Variants in VPS8 observed in about 807,000 individuals in gnomAD.
VPS8 encodes vacuolar protein sorting-associated protein 8 homolog.
In VPS8, 129 loss-of-function variants were observed where a neutral mutation model predicts 216.4. That is an observed-to-expected ratio of 0.60 (90% confidence interval 0.52 to 0.69). VPS8 has a LOEUF of 0.69. Ranked by LOEUF, VPS8 falls within the 30% of genes least tolerant of loss-of-function variation. VPS8 has a pLI of 0.00. For synonymous variants in VPS8, 571 were observed against 565.4 expected, an observed-to-expected ratio of 1.01 and a Z score of -0.14; for missense variants, 1,531 against 1,683.5, an observed-to-expected ratio of 0.91 and a Z score of 1.59.
At chr3:184,848,226 CA>C (rs1723510020) in intron 8 of VPS8, among the ~76,000 whole-genome samples, 1 of 151,992 alleles carries the variant, frequency 6.6e-6, no homozygotes, top group Non-Finnish European at 1.5e-5. Context: ...TTTAGCATAT[CA>C]AATTTTGATG....
chr3:184,882,076 C>G (rs1261328745), intron 21 of VPS8, among the ~76,000 whole-genome samples: 1 of 149,268 alleles, frequency 6.7e-6, no homozygotes, highest in African/African-American at 2.5e-5. Flanking sequence ...TTTTCCTTTT[C>G]TTGCCTATTG....
At chr3:184,860,252 T>C (rs1040191390) in intron 15 of VPS8, among the ~76,000 whole-genome samples, 187 bp downstream of exon 15, 1 of 151,894 alleles carries the variant, frequency 6.6e-6, no homozygotes, top group African/African-American at 2.4e-5. Flanking sequence ...TGGGATAGCT[T>C]AAGCCCAGGA....
chr3:184,914,835 C>T, intron 26 of VPS8, 146 bp from the exon 27 acceptor site: 1 of 753,276 alleles, frequency 1.3e-6, no homozygotes, highest in Non-Finnish European at 2.2e-6. Flanking sequence ...GTCATCTTGA[C>T]CTGCTTTGGA....
chr3:184,955,906 G>A (rs1745510991), intron 36 of VPS8, among the ~76,000 whole-genome samples: 1 of 150,774 alleles, frequency 6.6e-6, no homozygotes, highest in Admixed American at 6.6e-5. Context: ...TAAGGTGGTG[G>A]TATACATAGG....
rs369660156 is a variant in VPS8 at position 184,999,729 on chromosome 3, A to G, written c.3870A>G (p.Gln1290=). ...CGHLYHSFCL[Q]NKECTVEFEG... The stretch of plus-strand genomic sequence containing the variant: ...ATTTGTATCACTCATTCTGCCTACA[A>G]AACAAAGAATGCACTGTGGAATTTG... Residue 1290 remains glutamine, a synonymous_variant, in exon 45 of 48, where the codon CAA becomes CAG. Transcript: ENST00000625842. 2 of 1,612,822 alleles carry G rather than the reference A, an allele frequency of 1.2e-6. No individual in the cohort carries two copies. The highest frequency in any genetic ancestry group is 3.3e-5 in the Admixed American group (2 of 59,782).
At chr3:184,944,050 C>G (rs1397504873) in intron 36 of VPS8, among the ~76,000 whole-genome samples, 1 of 152,180 alleles carries the variant, frequency 6.6e-6, no homozygotes, top group Non-Finnish European at 1.5e-5. Flanking sequence ...TGCACACACA[C>G]ACACACACAC....
chr3:184,849,587 A>G (rs1723874601), intron 9 of VPS8: 1 of 266,786 alleles, frequency 3.7e-6, no homozygotes, highest in African/African-American at 2.3e-5. Context: ...TGGTTTTTTT[A>G]TCTTCTGATT....
intron 21 of VPS8, among the ~76,000 whole-genome samples, chr3:184,872,795 T>C (rs1015506222): frequency 6.6e-6 from 1 of 151,952 alleles, no homozygotes; most frequent in African/African-American, 2.4e-5. Context: ...GAAAAAAATA[T>C]GGGCACAATC....
chr3:185,026,514 C>G lies in VPS8; in HGVS notation c.4056+2125C>G, dbSNP rs373607501. 3.5e-4 allele frequency among the ~76,000 whole-genome samples: 53 copies of G among 149,664 alleles called. 1 individual carries two copies. The East Asian group carries it at 7.9e-3, about 22-fold the overall frequency. Reference sequence around the variant, plus strand: ...GTAACCTCTGCCTCCCGTGTTCAAGCGATTCTCCTGCCTCAGCCTCCTGAG... The same window carrying G: ...GTAACCTCTGCCTCCCGTGTTCAAGGGATTCTCCTGCCTCAGCCTCCTGAG... On this transcript the variant is annotated intron_variant, in intron 46 of 47. Coordinates refer to ENST00000625842, the MANE Select transcript of VPS8 (RefSeq NM_001009921.3).
intron 31 of VPS8, among the ~76,000 whole-genome samples, chr3:184,927,338 G>A (rs989260246): frequency 7.9e-5 from 12 of 152,156 alleles, no homozygotes; most frequent in African/African-American, 2.9e-4. Flanking sequence ...ATGGCACTGT[G>A]GTAATCATAC....
chr3:184,879,764 G>A (rs1436965123), intron 21 of VPS8, among the ~76,000 whole-genome samples: 1 of 152,134 alleles, frequency 6.6e-6, no homozygotes, highest in South Asian at 2.1e-4. Flanking sequence ...TCTTTGTGTA[G>A]CCCTTGCCAG....
At position 184,928,489 on chromosome 3, in the gene VPS8, A is replaced by G; in HGVS notation, c.2670A>G (p.Gln890=). ...LELLQAGGIV[Q]FEESRLIRMA... Reference sequence around the variant, plus strand: ...TGCTGCAGGCTGGAGGCATAGTTCAATTTGAAGAGAGTCGACTCATCCGGA... The same window carrying G: ...TGCTGCAGGCTGGAGGCATAGTTCAGTTTGAAGAGAGTCGACTCATCCGGA... The change falls in exon 32 of 48, where the codon CAA becomes CAG. Residue 890 remains glutamine, a synonymous_variant. Coordinates refer to ENST00000625842, the MANE Select transcript of VPS8 (RefSeq NM_001009921.3). 6.5e-7 allele frequency: 1 copy of G among 1,535,590 alleles called. No homozygotes were observed. Among genetic ancestry groups the G allele is most frequent in the Non-Finnish European group, 8.7e-7 (1 of 1,152,928 alleles).
chr3:184,969,901 CTTTTTTTTTTTTT>C (rs755680287), intron 39 of VPS8, among the ~76,000 whole-genome samples: 1 of 110,220 alleles, frequency 9.1e-6, no homozygotes, highest in Non-Finnish European at 1.8e-5. Flanking sequence ...TACTTTCTTA[CTTTTTTTTTTTTT>C]TTTTTTTTTT....
intron 29 of VPS8, among the ~76,000 whole-genome samples, chr3:184,924,228 C>T (rs1457269331): frequency 6.6e-6 from 1 of 152,224 alleles, no homozygotes; most frequent in Non-Finnish European, 1.5e-5. Flanking sequence ...TACCTTGACT[C>T]TCAGTTATCT....
chr3:184,860,417 A>G (rs1726097123), intron 15 of VPS8, among the ~76,000 whole-genome samples: 1 of 151,128 alleles, frequency 6.6e-6, no homozygotes, highest in Non-Finnish European at 1.5e-5. Context: ...ATATATGTAT[A>G]TATATGTATA....
intron 42 of VPS8, among the ~76,000 whole-genome samples, chr3:184,983,465 C>T (rs1424618850): frequency 2.6e-5 from 4 of 152,108 alleles, no homozygotes; most frequent in Admixed American, 1.3e-4. Context: ...ACAGGAATTT[C>T]CTAAGCATTG....
At chr3:185,007,573 G>C (rs1283848507) in intron 45 of VPS8, among the ~76,000 whole-genome samples, 1 of 152,162 alleles carries the variant, frequency 6.6e-6, no homozygotes, top group Middle Eastern at 3.2e-3. Context: ...GTTCTTGAGA[G>C]TAGGTAATAA....
At chr3:185,049,523 C>T (rs1349286723) in intron 47 of VPS8, among the ~76,000 whole-genome samples, 3 of 152,168 alleles carry the variant, frequency 2.0e-5, no homozygotes, top group Non-Finnish European at 4.4e-5. Flanking sequence ...ACGGAGGCCA[C>T]TGCAGGTCTT....
intron 45 of VPS8, 112 bp downstream of exon 45, chr3:184,999,973 AT>A: frequency 8.4e-7 from 1 of 1,184,880 alleles, no homozygotes. Flanking sequence ...CCTGGTGGGT[AT>A]TGGGTACATG....
Sources: gnomAD v4.1 joint callset for allele counts (sites outside exome capture counted in the v4.1 genomes callset) on GRCh38, gnomAD v4.1.1 for gene constraint, MANE v1.5 for transcripts, NCBI Gene and HGNC (gene_info 2026-07-23, HGNC 2026-07-21) for gene names.